TSPAN33: variants seen among roughly 807,000 people sequenced by gnomAD.
TSPAN33 encodes tetraspanin 33.
Under a neutral mutation model 34.8 loss-of-function variants are expected in TSPAN33, and 27 were observed. The observed-to-expected ratio is 0.78, with a 90% CI of 0.57 to 1.07. TSPAN33 has a LOEUF of 1.07. TSPAN33 is among the 50% of genes least tolerant of loss of function. The pLI is 0.00. For synonymous variants in TSPAN33, 119 were observed against 124.2 expected, an observed-to-expected ratio of 0.96 and a Z score of 0.28; for missense variants, 272 against 324.9, an observed-to-expected ratio of 0.84 and a Z score of 1.25.
chr7:129,163,673 T>A (rs988983388), intron 4 of TSPAN33, among the ~76,000 whole-genome samples: 2 of 152,018 alleles, frequency 1.3e-5, no homozygotes, highest in African/African-American at 4.8e-5. Context: ...TGGTAGAAAA[T>A]TATGAAATTG....
chr7:129,163,321 T>TTTTC (rs1168679846), intron 4 of TSPAN33, among the ~76,000 whole-genome samples: 51 of 132,642 alleles, frequency 3.8e-4, no homozygotes, highest in African/African-American at 1.3e-3. Context: ...TGAGGTTTAT[T>TTTTC]TTTCTTTCTT....
chr7:129,145,447 C>G (rs1453530073), intron 1 of TSPAN33, among the ~76,000 whole-genome samples: 4 of 151,744 alleles, frequency 2.6e-5, no homozygotes, highest in Non-Finnish European at 5.9e-5. Context: ...CCTGGAGGCC[C>G]GGCTGGCAAA....
rs151174017 is a variant in TSPAN33 at position 129,166,391 on chromosome 7, C to G, written c.460-387C>G. On this transcript the variant is annotated intron_variant, in intron 5 of 7. Coordinates refer to ENST00000486685, the MANE Select transcript of TSPAN33 (RefSeq NM_178562.5). ...TGAAGATTCCTCCCCTGTGTTTTCT[C>G]TATCTTAAGGAGAAGTTTTTCAGCA... The G allele has an allele frequency of 1.9e-3, 305 of 157,754 alleles. 3 individuals carry two copies. The highest frequency in any genetic ancestry group is 7.0e-3 in the African/African-American group (292 of 41,708). 9.8% of individuals were successfully genotyped at this position (157,754 alleles called of 1,614,324 possible). A position where few individuals can be genotyped will look rare whatever the true frequency, so the allele number is the denominator to read the frequency against.
chr7:129,164,816 C>T (rs970825670), intron 5 of TSPAN33: 3 of 424,142 alleles, frequency 7.1e-6, no homozygotes, highest in Middle Eastern at 1.4e-3. Context: ...TGGGCAGATT[C>T]TTGAATATTA....
At chr7:129,161,320 A>G (rs760561157) in intron 1 of TSPAN33, among the ~76,000 whole-genome samples, 1 of 152,200 alleles carries the variant, frequency 6.6e-6, no homozygotes, top group Non-Finnish European at 1.5e-5. Flanking sequence ...CCTCAAGTTG[A>G]TTCTCCTGCC....
intron 4 of TSPAN33, among the ~76,000 whole-genome samples, chr7:129,163,892 G>A (rs1793094244): frequency 6.6e-6 from 1 of 152,008 alleles, no homozygotes; most frequent in Admixed American, 6.6e-5. Context: ...AGTAAGCTGA[G>A]ATCGCGCCAC....
In TSPAN33 at chr7:129,161,866, T is replaced by C. The variant is rs1157847943; in HGVS notation, c.160+130T>C. ...CAGCCTCCCTGGAGCCAAATCTTCA[T>C]GGTCTACGTAGGTGTCAGACCCCCC... is the stretch of plus-strand genomic sequence containing the variant. On this transcript the variant is annotated intron_variant, in intron 2 of 7. Coordinates refer to ENST00000486685, the MANE Select transcript of TSPAN33 (RefSeq NM_178562.5). 3.5e-6 allele frequency: 4 copies of C among 1,128,124 alleles called. No homozygotes were observed. The African/African-American group carries it at 6.1e-5, about 17-fold the overall frequency. The allele number at this position is 1,128,124 out of a possible 1,614,324, so 69.9% of individuals were successfully genotyped here.
In TSPAN33 at chr7:129,144,707, C is replaced by CTGGGCGCCGGGCGGGCCGGGTTTCT. The variant is rs1810491158; in HGVS notation, c.-266_-265insGGGCGGGCCGGGTTTCTTGGGCGCC. Among the ~76,000 whole-genome samples, 1 of 151,988 alleles carries CTGGGCGCCGGGCGGGCCGGGTTTCT rather than the reference C, an allele frequency of 6.6e-6. No individual in the cohort carries two copies. Among genetic ancestry groups the CTGGGCGCCGGGCGGGCCGGGTTTCT allele is most frequent in the Non-Finnish European group, 1.5e-5 (1 of 67,964 alleles). On this transcript the variant is annotated 5_prime_UTR_variant, in exon 1 of 8. Coordinates refer to ENST00000486685, the MANE Select transcript of TSPAN33 (RefSeq NM_178562.5). ...AGCGGCCGGGGGCGGGCCGGGTTTC[C>CTGGGCGCCGGGCGGGCCGGGTTTCT]TGGGCGCCTGGCTGGCCGGGCTGGT... is the stretch of plus-strand genomic sequence containing the variant.
chr7:129,149,377 G>C (rs1456354799), intron 1 of TSPAN33, among the ~76,000 whole-genome samples: 1 of 152,152 alleles, frequency 6.6e-6, no homozygotes, highest in Non-Finnish European at 1.5e-5. Flanking sequence ...GGCCAACATG[G>C]TGAAACCCCA....
chr7:129,153,040 CAA>C (rs898764382), intron 1 of TSPAN33, among the ~76,000 whole-genome samples: 2 of 79,850 alleles, frequency 2.5e-5, no homozygotes, highest in Non-Finnish European at 2.3e-5. Context: ...GCCTGGGCAA[CAA>C]GAGTGAAACT....
In TSPAN33 at chr7:129,162,344, G is replaced by A. The variant is rs778592618; in HGVS notation, c.161-50G>A. 28 of 1,603,116 alleles carry A rather than the reference G, an allele frequency of 1.7e-5. No homozygotes were observed. The Admixed American group carries it at 4.3e-4, about 25-fold the overall frequency. On this transcript the variant is annotated intron_variant, in intron 2 of 7. Coordinates refer to ENST00000486685, the MANE Select transcript of TSPAN33 (RefSeq NM_178562.5). ...GGGGCACCCTCCCACCCCATCCAGG[G>A]GTTCCTCAGTGGGCACCAGGCTCAG...
intron 5 of TSPAN33, among the ~76,000 whole-genome samples, chr7:129,166,073 G>T (rs1275437923): frequency 6.6e-6 from 1 of 152,174 alleles, no homozygotes; most frequent in Admixed American, 6.5e-5. Flanking sequence ...GAGTAGCTGG[G>T]ATTACAGGTG....
intron 4 of TSPAN33, among the ~76,000 whole-genome samples, 155 bp from the exon 5 acceptor site, chr7:129,164,319 G>A (rs1793103070): frequency 6.6e-6 from 1 of 152,158 alleles, no homozygotes; most frequent in Non-Finnish European, 1.5e-5. Flanking sequence ...ATGGGCTTTG[G>A]AACTGAACCG....
chr7:129,160,401 C>G (rs1031102082), intron 1 of TSPAN33, among the ~76,000 whole-genome samples: 4 of 152,152 alleles, frequency 2.6e-5, no homozygotes, highest in African/African-American at 9.7e-5. Flanking sequence ...GTTGCCATGG[C>G]AACAGCCAGC....
rs1793188448 is a variant in TSPAN33 at position 129,169,035 on chromosome 7, G to T, written c.*1161G>T. On this transcript the variant is annotated 3_prime_UTR_variant, in exon 8 of 8. Coordinates refer to ENST00000486685, the MANE Select transcript of TSPAN33 (RefSeq NM_178562.5). ...TCTAAATTAGGTCGAAAGAGTCCCAGTTCCAATCTAGGAACAGCATAATTT... is the reference window on the plus strand; with the variant it reads ...TCTAAATTAGGTCGAAAGAGTCCCATTTCCAATCTAGGAACAGCATAATTT... 6.6e-6 allele frequency among the ~76,000 whole-genome samples: 1 copy of T among 152,168 alleles called. No individual in the cohort carries two copies. The highest frequency in any genetic ancestry group is 6.5e-5 in the Admixed American group (1 of 15,272).
chr7:129,166,717 C>T, intron 5 of TSPAN33, 61 bp from the exon 6 acceptor site: 1 of 1,584,250 alleles, frequency 6.3e-7, no homozygotes, highest in Non-Finnish European at 8.6e-7. Flanking sequence ...TCTGAGAATT[C>T]CCCTGGTCAC....
At position 129,166,966 on chromosome 7, in the gene TSPAN33, G is replaced by A. The variant is rs1308536196; in HGVS notation, c.588+60G>A. On this transcript the variant is annotated intron_variant, in intron 6 of 7. Transcript: ENST00000486685. ...AGCGAGCTGAGTCACTTTCTGATGGGGGCAGCTGCTACTGGGGATCCCCAT... is the reference window on the plus strand; with the variant it reads ...AGCGAGCTGAGTCACTTTCTGATGGAGGCAGCTGCTACTGGGGATCCCCAT... The A allele has an allele frequency of 2.5e-6, 4 of 1,574,282 alleles. No individual in the cohort carries two copies. In the African/African-American group the frequency reaches 4.1e-5, roughly 16 times the overall value.
chr7:129,166,990 A>G lies in TSPAN33; in HGVS notation c.588+84A>G, dbSNP rs1046979325. ...GGGGCAGCTGCTACTGGGGATCCCCATCCCCTAGCTTCACCGATCAGTCAT... is the reference window on the plus strand; with the variant it reads ...GGGGCAGCTGCTACTGGGGATCCCCGTCCCCTAGCTTCACCGATCAGTCAT... On this transcript the variant is annotated intron_variant, in intron 6 of 7. Coordinates refer to ENST00000486685, the MANE Select transcript of TSPAN33 (RefSeq NM_178562.5). The G allele has an allele frequency of 4.0e-6, 6 of 1,500,816 alleles. No homozygotes were observed. The African/African-American group carries it at 5.5e-5, about 14-fold the overall frequency. The allele number at this position is 1,500,816 out of a possible 1,614,324, so 93.0% of individuals were successfully genotyped here.
chr7:129,166,741 G>T, intron 5 of TSPAN33, 37 bp from the exon 6 acceptor site: 1 of 1,611,044 alleles, frequency 6.2e-7, no homozygotes, highest in Non-Finnish European at 8.5e-7. Flanking sequence ...AGTGTGAGGG[G>T]TGGGTGATTC....
Sources: gnomAD v4.1 joint callset for allele counts (sites outside exome capture counted in the v4.1 genomes callset) on GRCh38, gnomAD v4.1.1 for gene constraint, MANE v1.5 for transcripts, NCBI Gene and HGNC (gene_info 2026-07-23, HGNC 2026-07-21) for gene names.